LRRTM4: variants seen among roughly 807,000 people sequenced by gnomAD.
LRRTM4 encodes leucine rich repeat transmembrane neuronal 4.
Under a neutral mutation model 47.6 loss-of-function variants are expected in LRRTM4, and 25 were observed. The observed-to-expected ratio is 0.53, with a 90% CI of 0.38 to 0.73. The LOEUF is 0.73. LRRTM4 is among the 30% of genes least tolerant of loss of function. LRRTM4 has a pLI of 0.00. For missense variants in LRRTM4, 638 were observed against 713.4 expected, an observed-to-expected ratio of 0.89 and a Z score of 1.20; for synonymous variants, 311 against 269.5, an observed-to-expected ratio of 1.15 and a Z score of -1.51.
intron 3 of LRRTM4, among the ~76,000 whole-genome samples, chr2:76,988,561 C>A (rs568463515): frequency 6.6e-6 from 1 of 151,934 alleles, no homozygotes; most frequent in South Asian, 2.1e-4. Context: ...TCAAAAGTCA[C>A]CCCTTCGAAT....
At chr2:76,951,959 G>A (rs538155969) in intron 3 of LRRTM4, among the ~76,000 whole-genome samples, 1 of 151,824 alleles carries the variant, frequency 6.6e-6, no homozygotes, top group Non-Finnish European at 1.5e-5. Context: ...AAGGACATGA[G>A]ATCATTTTTT....
chr2:76,762,331 G>C (rs1356954384), intron 3 of LRRTM4, among the ~76,000 whole-genome samples: 1 of 152,042 alleles, frequency 6.6e-6, no homozygotes, highest in Non-Finnish European at 1.5e-5. Context: ...CAGAATATAA[G>C]CTCTTCTGGG....
chr2:77,107,662 T>G (rs1374899562), intron 3 of LRRTM4, among the ~76,000 whole-genome samples: 1 of 151,766 alleles, frequency 6.6e-6, no homozygotes, highest in African/African-American at 2.4e-5. Context: ...CTACTAAAAA[T>G]ACAAAATTAG....
intron 3 of LRRTM4, among the ~76,000 whole-genome samples, chr2:76,833,413 C>G (rs762570949): frequency 5.3e-5 from 8 of 151,938 alleles, no homozygotes; most frequent in Non-Finnish European, 1.0e-4. Context: ...TATCTCAGCT[C>G]TAGAGAAACT....
In LRRTM4 at chr2:76,891,250, G is replaced by C. The variant is rs1209048378; in HGVS notation, c.1552-142334C>G. Among the ~76,000 whole-genome samples the C allele has an allele frequency of 2.6e-5, 4 of 151,812 alleles. No individual in the cohort carries two copies. The East Asian group carries it at 7.7e-4, about 29-fold the overall frequency. On this transcript the variant is annotated intron_variant, in intron 3 of 3. Transcript: ENST00000409884. ...AAATCTTTAGTTAATTATAATAAGA[G>C]GAGAGGTTCTCAAGGAAATTTAGCT...
intron 3 of LRRTM4, among the ~76,000 whole-genome samples, chr2:77,090,251 G>A (rs947784620): frequency 3.3e-5 from 5 of 152,064 alleles, no homozygotes; most frequent in Non-Finnish European, 5.9e-5. Context: ...CAAGGTTAAT[G>A]CTCCTTTTTC....
At chr2:77,217,206 T>C (rs1210483689) in intron 3 of LRRTM4, among the ~76,000 whole-genome samples, 5 of 151,458 alleles carry the variant, frequency 3.3e-5, no homozygotes, top group African/African-American at 1.2e-4. Flanking sequence ...ACAACTATTG[T>C]TGACAACCAT....
chr2:77,221,793 T>A (rs917880382), intron 3 of LRRTM4, among the ~76,000 whole-genome samples: 1 of 152,082 alleles, frequency 6.6e-6, no homozygotes. Flanking sequence ...ATTAGACAGA[T>A]CAATGAGACA....
At chr2:77,280,726 A>G (rs1243435193) in intron 3 of LRRTM4, among the ~76,000 whole-genome samples, 1 of 152,042 alleles carries the variant, frequency 6.6e-6, no homozygotes, top group Admixed American at 6.6e-5. Context: ...AGACTATGAG[A>G]ATTAAGAATG....
intron 3 of LRRTM4, among the ~76,000 whole-genome samples, chr2:77,281,993 T>A (rs1446605340): frequency 6.6e-6 from 1 of 151,934 alleles, no homozygotes; most frequent in East Asian, 1.9e-4. Context: ...GGTAGTTTGA[T>A]AGGAACAGCA....
At chr2:77,289,121 C>A (rs573612072) in intron 3 of LRRTM4, among the ~76,000 whole-genome samples, 1 of 152,100 alleles carries the variant, frequency 6.6e-6, no homozygotes, top group East Asian at 1.9e-4. Context: ...ATACCATATG[C>A]ATGAATTGGA....
At chr2:76,850,398 T>A (rs1236367832) in intron 3 of LRRTM4, among the ~76,000 whole-genome samples, 1 of 152,176 alleles carries the variant, frequency 6.6e-6, no homozygotes, top group Non-Finnish European at 1.5e-5. Flanking sequence ...ATTAGAACTG[T>A]AAAAATTGGA....
At chr2:77,385,913 A>AC (rs938302765) in intron 3 of LRRTM4, among the ~76,000 whole-genome samples, 3 of 147,440 alleles carry the variant, frequency 2.0e-5, no homozygotes, top group Non-Finnish European at 4.5e-5. Context: ...ACTCCTGGCT[A>AC]TTTTTTTTTT....
chr2:77,258,205 G>A (rs1193359232), intron 3 of LRRTM4, among the ~76,000 whole-genome samples: 1 of 151,914 alleles, frequency 6.6e-6, no homozygotes, highest in Non-Finnish European at 1.5e-5. Flanking sequence ...CCAAATGCTG[G>A]TGAGGATGTG....
At chr2:77,146,939 G>A (rs1172845472) in intron 3 of LRRTM4, among the ~76,000 whole-genome samples, 2 of 152,096 alleles carry the variant, frequency 1.3e-5, no homozygotes, top group African/African-American at 4.8e-5. Context: ...TAGTTTATCT[G>A]ACAAAGCAAT....
chr2:77,459,059 C>A (rs1243087095), intron 3 of LRRTM4, among the ~76,000 whole-genome samples: 1 of 151,954 alleles, frequency 6.6e-6, no homozygotes, highest in Admixed American at 6.6e-5. Flanking sequence ...TGAAATACAT[C>A]ACAATCTGTT....
At chr2:76,877,987 T>G (rs2104090739) in intron 3 of LRRTM4, among the ~76,000 whole-genome samples, 1 of 152,304 alleles carries the variant, frequency 6.6e-6, no homozygotes, top group East Asian at 1.9e-4. Flanking sequence ...TATTTTGTTT[T>G]TAATACATTG....
chr2:77,312,624 C>G (rs1010917760), intron 3 of LRRTM4, among the ~76,000 whole-genome samples: 2 of 152,024 alleles, frequency 1.3e-5, no homozygotes, highest in Non-Finnish European at 2.9e-5. Context: ...TTAAAGCACA[C>G]CACACGCGTG....
intron 3 of LRRTM4, among the ~76,000 whole-genome samples, chr2:77,240,209 G>A (rs1167742107): frequency 6.6e-6 from 1 of 151,610 alleles, no homozygotes; most frequent in Admixed American, 6.6e-5. Context: ...TGACACAAGG[G>A]AAATTAGAAA....
Sources: allele counts gnomAD v4.1 joint callset (sites outside exome capture counted in the v4.1 genomes callset), GRCh38; gene constraint gnomAD v4.1.1; transcripts MANE v1.5; gene names NCBI Gene and HGNC (gene_info 2026-07-23, HGNC 2026-07-21).